CACNB2: variants seen among roughly 807,000 people sequenced by gnomAD.
CACNB2 encodes the protein calcium voltage-gated channel auxiliary subunit beta 2, also known as voltage-dependent L-type calcium channel subunit beta-2.
CACNB2 carries 42 observed loss-of-function variants against 73.3 expected under a neutral mutation model. The observed-to-expected ratio is 0.57, with a 90% CI of 0.45 to 0.74. CACNB2 has a LOEUF of 0.74. Among genes scored for constraint, CACNB2 ranks in the 30% least tolerant of loss-of-function variants. CACNB2 has a pLI of 0.00. For missense variants in CACNB2, 940 were observed against 853.0 expected (o/e 1.10, Z -1.27); for synonymous variants, 348 against 310.3 (o/e 1.12, Z -1.28).
intron 2 of CACNB2, among the ~76,000 whole-genome samples, chr10:18,338,929 G>A (rs116550339): frequency 0.052 from 7,813 of 151,472 alleles, 415 homozygotes; most frequent in African/African-American, 0.13. Flanking sequence ...TTGCAGAGAC[G>A]GGGTCTTCCT....
At position 18,356,938 on chromosome 10, in the gene CACNB2, A is replaced by ATGTCTTTTTTTTTTTTTTTT. The variant is rs1436280481; in HGVS notation, c.214-44985_214-44984insGTCTTTTTTTTTTTTTTTTT. On this transcript the variant is annotated intron_variant, in intron 2 of 13. Coordinates refer to ENST00000324631, the MANE Select transcript of CACNB2 (RefSeq NM_201596.3). ...AGCCACTGTGCCTGGCCCAGACTCA[A>ATGTCTTTTTTTTTTTTTTTT]TTTCTTTTTTTTTTTTTTTTTTTTG... Among the ~76,000 whole-genome samples the ATGTCTTTTTTTTTTTTTTTT allele has an allele frequency of 4.2e-5, 4 of 94,446 alleles. 2 individuals carry two copies. The highest frequency in any genetic ancestry group is 7.6e-5 in the African/African-American group (2 of 26,326). The allele number at this position is 94,446 out of a possible 152,430, so 62.0% of individuals were successfully genotyped here.
intron 2 of CACNB2, among the ~76,000 whole-genome samples, chr10:18,375,611 A>G (rs973082008): frequency 1.3e-5 from 2 of 152,220 alleles, no homozygotes; most frequent in African/African-American, 4.8e-5. Context: ...TTGAAAATTT[A>G]ATTTTTCTAG....
At chr10:18,414,209 C>T (rs1589281446) in intron 3 of CACNB2, among the ~76,000 whole-genome samples, 1 of 152,248 alleles carries the variant, frequency 6.6e-6, no homozygotes, top group Non-Finnish European at 1.5e-5. Flanking sequence ...CTCCTGTACT[C>T]TAACTTTGAG....
At chr10:18,323,571 CA>C (rs1224091701) in intron 2 of CACNB2, among the ~76,000 whole-genome samples, 1 of 151,748 alleles carries the variant, frequency 6.6e-6, no homozygotes, top group African/African-American at 2.4e-5. Context: ...TCTGAATAAT[CA>C]AAAAAAGATT....
intron 3 of CACNB2, among the ~76,000 whole-genome samples, chr10:18,486,317 G>A (rs1406718355): frequency 6.6e-6 from 1 of 152,154 alleles, no homozygotes; most frequent in Non-Finnish European, 1.5e-5. Context: ...TAGGGAGAAA[G>A]CTAGAACTAT....
At chr10:18,514,449 G>A (rs968928682) in intron 7 of CACNB2, 80 bp downstream of exon 7, 24 of 1,613,626 alleles carry the variant, frequency 1.5e-5, no homozygotes, top group Middle Eastern at 1.7e-4. Context: ...GACTGTCTGC[G>A]TCCTTTGATA....
intron 2 of CACNB2, among the ~76,000 whole-genome samples, chr10:18,276,933 G>A (rs530409529): frequency 2.6e-5 from 4 of 152,226 alleles, no homozygotes; most frequent in East Asian, 3.9e-4. Context: ...GCAACATAAC[G>A]AAACCCCCAT....
At position 18,543,122 on chromosome 10, in the gene CACNB2, T is replaced by C. The variant is rs922529166; in HGVS notation, c.*3398T>C. On this transcript the variant is annotated 3_prime_UTR_variant, in exon 14 of 14. Coordinates refer to ENST00000324631, the MANE Select transcript of CACNB2 (RefSeq NM_201596.3). Reference sequence around the variant, plus strand: ...TTTAAAGTAATTCATATAAAACAAATAAAGAGCTGGCTTCTGCACTGTTTA... The same window carrying C: ...TTTAAAGTAATTCATATAAAACAAACAAAGAGCTGGCTTCTGCACTGTTTA... 7 of 152,124 alleles carry C rather than the reference T, an allele frequency of 4.6e-5. No individual in the cohort carries two copies. The allele number at this position is 152,124 out of a possible 1,614,324, so 9.4% of individuals were successfully genotyped here. A position where few individuals can be genotyped will look rare whatever the true frequency, so the allele number is the denominator to read the frequency against.
chr10:18,354,833 A>G (rs1330021918), intron 2 of CACNB2, among the ~76,000 whole-genome samples: 2 of 152,248 alleles, frequency 1.3e-5, no homozygotes, highest in African/African-American at 4.8e-5. Flanking sequence ...CAACCATAAA[A>G]CCATGTGTGG....
chr10:18,274,373 T>A (rs758843075), intron 2 of CACNB2, among the ~76,000 whole-genome samples: 17 of 152,188 alleles, frequency 1.1e-4, no homozygotes, highest in Non-Finnish European at 2.4e-4. Context: ...AAAAGTGACT[T>A]AAGGTTGTGC....
At position 18,543,357 on chromosome 10, in the gene CACNB2, A is replaced by G. The variant is rs1352138215; in HGVS notation, c.*3633A>G. 3.3e-5 allele frequency: 5 copies of G among 152,166 alleles called. No individual in the cohort carries two copies. Among genetic ancestry groups the G allele is most frequent in the Non-Finnish European group, 7.4e-5 (5 of 68,022 alleles). 9.4% of individuals were successfully genotyped at this position (152,166 alleles called of 1,614,324 possible). A position where few individuals can be genotyped will look rare whatever the true frequency, so the allele number is the denominator to read the frequency against. ...TATTCAACGTGAGCTCTAGCAGAATAATCTGGGTCAGTTATGAGTTCTGGA... is the reference window on the plus strand; with the variant it reads ...TATTCAACGTGAGCTCTAGCAGAATGATCTGGGTCAGTTATGAGTTCTGGA... On this transcript the variant is annotated 3_prime_UTR_variant, in exon 14 of 14. Transcript: ENST00000324631.
chr10:18,520,039 A>G (rs1275414566), intron 9 of CACNB2: 4 of 273,402 alleles, frequency 1.5e-5, no homozygotes, highest in Non-Finnish European at 2.8e-5. Context: ...AATCTTGGAC[A>G]GCCCAGGGCT....
In CACNB2 at chr10:18,140,582, G is replaced by A; in HGVS notation, c.-155G>A. ...ACTGAGCGCCTGGCAGCAGGGCGCC[G>A]AGTCCCGGGGCGCTGCGGGGCGCTG... On this transcript the variant is annotated 5_prime_UTR_variant, in exon 1 of 14. Transcript: ENST00000324631. 4.1e-6 allele frequency: 2 copies of A among 486,472 alleles called. No homozygotes were observed. Among genetic ancestry groups the A allele is most frequent in the Non-Finnish European group, 6.7e-6 (2 of 296,978 alleles). The allele number at this position is 486,472 out of a possible 1,614,324, so 30.1% of individuals were successfully genotyped here.
At position 18,540,237 on chromosome 10, in the gene CACNB2, A is replaced by AAGTT. The variant is rs201149401; in HGVS notation, c.*516_*519dup. The AAGTT allele has an allele frequency of 9.9e-3, 1,731 of 174,172 alleles. 113 individuals are homozygous for AAGTT. Among genetic ancestry groups the AAGTT allele is most frequent in the Admixed American group, 0.088 (1,629 of 18,424 alleles). The allele number at this position is 174,172 out of a possible 1,614,324, so 10.8% of individuals were successfully genotyped here. A position where few individuals can be genotyped will look rare whatever the true frequency, so the allele number is the denominator to read the frequency against. On this transcript the variant is annotated 3_prime_UTR_variant, in exon 14 of 14. Coordinates refer to ENST00000324631, the MANE Select transcript of CACNB2 (RefSeq NM_201596.3). ...CTTGCCTTACACAAAGGGGATCATA[A>AAGTT]AGTTAGAATCTATTTTCTATGTACT...
chr10:18,356,211 G>A (rs566746285), intron 2 of CACNB2, among the ~76,000 whole-genome samples: 2 of 152,196 alleles, frequency 1.3e-5, no homozygotes, highest in South Asian at 4.2e-4. Context: ...CTGGGCCTCT[G>A]CTCCTGCTTT....
chr10:18,237,114 G>A (rs188237095), intron 2 of CACNB2, among the ~76,000 whole-genome samples: 1 of 152,304 alleles, frequency 6.6e-6, no homozygotes, highest in Non-Finnish European at 1.5e-5. Context: ...CAGTGTTATT[G>A]TAGGGTAAAT....
intron 2 of CACNB2, among the ~76,000 whole-genome samples, chr10:18,209,652 G>A (rs532773486): frequency 2.0e-5 from 3 of 151,936 alleles, no homozygotes; most frequent in East Asian, 3.9e-4. Context: ...TTTATATGTA[G>A]CATACCCAAA....
intron 2 of CACNB2, among the ~76,000 whole-genome samples, chr10:18,343,862 C>G (rs1407540727): frequency 6.6e-6 from 1 of 152,056 alleles, no homozygotes; most frequent in East Asian, 1.9e-4. Context: ...ATATTTCAGT[C>G]TCTGCATATG....
chr10:18,354,283 T>A (rs922837485), intron 2 of CACNB2, among the ~76,000 whole-genome samples: 2 of 152,168 alleles, frequency 1.3e-5, no homozygotes, highest in African/African-American at 4.8e-5. Flanking sequence ...TCCTCCTGAC[T>A]TGGGCCCTTA....
Sources: gnomAD v4.1 joint callset for allele counts (sites outside exome capture counted in the v4.1 genomes callset) on GRCh38, gnomAD v4.1.1 for gene constraint, MANE v1.5 for transcripts, NCBI Gene and HGNC (gene_info 2026-07-23, HGNC 2026-07-21) for gene names.